Variants in MSRB3 observed in about 807,000 individuals in gnomAD.
MSRB3 encodes methionine-R-sulfoxide reductase B3.
In MSRB3, 13 loss-of-function variants were observed where a neutral mutation model predicts 21.0. That is an observed-to-expected ratio of 0.62 (90% CI 0.40 to 0.98). The LOEUF (loss-of-function observed/expected upper bound fraction) is 0.98, where lower values mean the gene tolerates loss of function less well. MSRB3 is among the 50% of genes least tolerant of loss of function. The pLI is 0.00. For missense variants in MSRB3, 199 were observed against 230.3 expected, an observed-to-expected ratio of 0.86 and a Z score of 0.88; for synonymous variants, 87 against 88.6, an observed-to-expected ratio of 0.98 and a Z score of 0.10.
chr12:65,283,285 A>G (rs1427629350), intron 1 of MSRB3, among the ~76,000 whole-genome samples: 1 of 152,190 alleles, frequency 6.6e-6, no homozygotes, highest in African/African-American at 2.4e-5. Flanking sequence ...TCTTCATACC[A>G]CAGAATTTGT....
intron 5 of MSRB3, among the ~76,000 whole-genome samples, chr12:65,416,274 T>G (rs113675270): frequency 6.6e-6 from 1 of 152,202 alleles, no homozygotes; most frequent in African/African-American, 2.4e-5. Context: ...CATACATCTC[T>G]TCTCCACTGC....
chr12:65,345,825 T>G (rs941501583), intron 4 of MSRB3, among the ~76,000 whole-genome samples: 80 of 152,178 alleles, frequency 5.3e-4, no homozygotes, highest in African/African-American at 1.8e-3. Flanking sequence ...AGTGAGAACA[T>G]GTGGTGTTTG....
At chr12:65,294,241 C>T (rs1468835735) in intron 1 of MSRB3, among the ~76,000 whole-genome samples, 1 of 152,078 alleles carries the variant, frequency 6.6e-6, no homozygotes, top group Non-Finnish European at 1.5e-5. Flanking sequence ...CCAGATAGAC[C>T]CTGTGAGTTT....
intron 1 of MSRB3, chr12:65,284,457 T>C (rs1872223872): frequency 6.6e-6 from 1 of 152,222 alleles, no homozygotes; most frequent in African/African-American, 2.4e-5. Flanking sequence ...ATGTTAAGCC[T>C]GGGTGATGGA....
At chr12:65,433,596 C>T (rs537099021) in intron 5 of MSRB3, among the ~76,000 whole-genome samples, 5 of 151,986 alleles carry the variant, frequency 3.3e-5, no homozygotes, top group African/African-American at 1.2e-4. Flanking sequence ...TTCTGAATTT[C>T]ATCACCCTCC....
chr12:65,419,323 A>C (rs1417610234), intron 5 of MSRB3: 1 of 757,002 alleles, frequency 1.3e-6, no homozygotes, highest in Non-Finnish European at 2.4e-6. Flanking sequence ...CTCCAAGATC[A>C]AACCAGAGCT....
chr12:65,368,932 C>G (rs1267565979), intron 4 of MSRB3, 66 bp from the exon 5 acceptor site: 5 of 663,830 alleles, frequency 7.5e-6, no homozygotes, highest in Admixed American at 4.6e-5. Context: ...CACCCCCCCC[C>G]CCCATGAAAT....
intron 4 of MSRB3, among the ~76,000 whole-genome samples, chr12:65,339,653 T>C (rs1453184998): frequency 6.6e-6 from 1 of 152,228 alleles, no homozygotes; most frequent in Non-Finnish European, 1.5e-5. Context: ...ATTTATTTTC[T>C]TTGTTTTTAA....
At chr12:65,379,173 TCCA>T (rs1878803840) in intron 5 of MSRB3, among the ~76,000 whole-genome samples, 5 of 17,218 alleles carry the variant, frequency 2.9e-4, no homozygotes, top group Non-Finnish European at 6.5e-4. Flanking sequence ...CATCCTTCCA[TCCA>T]TCCATCCATC....
chr12:65,291,078 G>A (rs1872637774), intron 1 of MSRB3, among the ~76,000 whole-genome samples: 1 of 151,634 alleles, frequency 6.6e-6, no homozygotes, highest in African/African-American at 2.4e-5. Context: ...CCTGTATTCT[G>A]TGGCTTTCTT....
At chr12:65,435,467 G>A (rs1023848918) in intron 5 of MSRB3, among the ~76,000 whole-genome samples, 1 of 151,830 alleles carries the variant, frequency 6.6e-6, no homozygotes, top group African/African-American at 2.4e-5. Context: ...GCTTCTCCAC[G>A]TGTCTCTCTG....
At position 65,422,388 on chromosome 12, in the gene MSRB3, GTATA is replaced by G. The variant is rs59746471; in HGVS notation, c.293-31300_293-31297del. ...AATTTTTAATTTTTGGGAGTACATA[GTATA>G]TATATATATATATATATATATATAT... On this transcript the variant is annotated intron_variant, in intron 5 of 6. Transcript: ENST00000308259. 2.1e-3 allele frequency among the ~76,000 whole-genome samples: 198 copies of G among 92,394 alleles called. 1 individual carries two copies. Among genetic ancestry groups the G allele is most frequent in the Admixed American group, 8.3e-3 (63 of 7,576 alleles). 60.6% of individuals were successfully genotyped at this position (92,394 alleles called of 152,430 possible).
intron 1 of MSRB3, among the ~76,000 whole-genome samples, chr12:65,293,340 C>G (rs749955319): frequency 6.6e-6 from 1 of 152,138 alleles, no homozygotes; most frequent in Non-Finnish European, 1.5e-5. Flanking sequence ...ATTATGTTCT[C>G]CTTCACTTAC....
At chr12:65,354,393 T>C (rs1022988393) in intron 4 of MSRB3, among the ~76,000 whole-genome samples, 1 of 151,924 alleles carries the variant, frequency 6.6e-6, no homozygotes, top group African/African-American at 2.4e-5. Flanking sequence ...CTTTTCACAG[T>C]CCCTTATTTC....
intron 4 of MSRB3, chr12:65,344,035 A>G (rs1325780044): frequency 1.3e-5 from 2 of 152,096 alleles, no homozygotes; most frequent in Non-Finnish European, 2.9e-5. Flanking sequence ...TAACATGAGG[A>G]TAATACCCTT....
intron 6 of MSRB3, among the ~76,000 whole-genome samples, chr12:65,461,779 T>G (rs1246159607): frequency 6.6e-6 from 1 of 152,190 alleles, no homozygotes; most frequent in Non-Finnish European, 1.5e-5. Flanking sequence ...ACAGTGAGAA[T>G]TAACAAATCA....
intron 1 of MSRB3, among the ~76,000 whole-genome samples, chr12:65,295,893 A>T (rs1442727288): frequency 3.3e-5 from 5 of 152,234 alleles, no homozygotes; most frequent in African/African-American, 1.2e-4. Flanking sequence ...TGTCATAGAT[A>T]ATTCTCAGGG....
intron 1 of MSRB3, among the ~76,000 whole-genome samples, chr12:65,302,337 G>A (rs972653890): frequency 5.3e-5 from 8 of 152,050 alleles, no homozygotes; most frequent in African/African-American, 1.7e-4. Flanking sequence ...ATATGTCCCT[G>A]CCACTCCCTC....
intron 5 of MSRB3, among the ~76,000 whole-genome samples, chr12:65,422,071 G>A (rs1456128120): frequency 2.6e-5 from 4 of 151,918 alleles, no homozygotes; most frequent in Non-Finnish European, 4.4e-5. Flanking sequence ...AAAAAGCAGG[G>A]GTTGCAATCC....
Sources: allele counts gnomAD v4.1 joint callset (sites outside exome capture counted in the v4.1 genomes callset), GRCh38; gene constraint gnomAD v4.1.1; transcripts MANE v1.5; gene names NCBI Gene and HGNC (gene_info 2026-07-23, HGNC 2026-07-21).